Variants in AKAP7 observed in about 807,000 individuals in gnomAD.
AKAP7 encodes the protein A kinase (PRKA) anchor protein 7.
AKAP7 carries 39 observed loss-of-function variants against 39.5 expected under a neutral mutation model. The ratio of observed to expected loss-of-function variants is 0.99; its 90% CI spans 0.76 to 1.29. The LOEUF is 1.29. Ranked by LOEUF, AKAP7 falls within the 50% of genes most tolerant of loss-of-function variation. The pLI is 0.00. For synonymous variants in AKAP7, 140 were observed against 139.1 expected (o/e 1.01, Z -0.05); for missense variants, 414 against 407.7 (o/e 1.02, Z -0.13).
chr6:131,262,071 C>T (rs955346997), intron 7 of AKAP7, among the ~76,000 whole-genome samples: 1 of 152,092 alleles, frequency 6.6e-6, no homozygotes, highest in African/African-American at 2.4e-5. Flanking sequence ...AGCTGGGCTT[C>T]TGGCTTTTGA....
chr6:131,199,081 A>G (rs1258423002), intron 5 of AKAP7, among the ~76,000 whole-genome samples: 1 of 152,228 alleles, frequency 6.6e-6, no homozygotes, highest in Non-Finnish European at 1.5e-5. Flanking sequence ...TCATCTTGGA[A>G]GCAGAAGTTT....
intron 7 of AKAP7, among the ~76,000 whole-genome samples, chr6:131,258,064 AC>A (rs971622215): frequency 6.6e-5 from 10 of 152,234 alleles, no homozygotes; most frequent in Admixed American, 2.0e-4. Context: ...ATATTACCAA[AC>A]CTAGTGAAGA....
chr6:131,256,815 TAG>T (rs1233410145), intron 7 of AKAP7, among the ~76,000 whole-genome samples: 1 of 152,024 alleles, frequency 6.6e-6, no homozygotes, highest in African/African-American at 2.4e-5. Flanking sequence ...ATTGGGATTA[TAG>T]ATGTGAGCCA....
intron 5 of AKAP7, among the ~76,000 whole-genome samples, chr6:131,181,148 C>G (rs1022141099): frequency 1.2e-4 from 19 of 152,030 alleles, no homozygotes; most frequent in Non-Finnish European, 2.5e-4. Context: ...GTTGGCCAGG[C>G]TGGTATCAAA....
Position 131,223,147 on chromosome 6 carries a change from T to G in AKAP7, c.850+3339T>G, listed in dbSNP as rs536454389. 9.8e-4 allele frequency among the ~76,000 whole-genome samples: 150 copies of G among 152,372 alleles called. 2 individuals carry two copies. Among genetic ancestry groups the G allele is most frequent in the African/African-American group, 3.4e-3 (143 of 41,594 alleles). On this transcript the variant is annotated intron_variant, in intron 7 of 7. Transcript: ENST00000431975. ...GCATATAATGAAACATAATTTTATA[T>G]GTACTAGGAAACCAAAAAATTCATG... is the stretch of plus-strand genomic sequence containing the variant.
intron 7 of AKAP7, among the ~76,000 whole-genome samples, chr6:131,240,067 A>C (rs1244107475): frequency 6.6e-6 from 1 of 152,052 alleles, no homozygotes; most frequent in Non-Finnish European, 1.5e-5. Flanking sequence ...GATGATGGTG[A>C]CGTACAGATG....
At chr6:131,268,560 T>G (rs975615561) in intron 7 of AKAP7, among the ~76,000 whole-genome samples, 9 of 152,194 alleles carry the variant, frequency 5.9e-5, no homozygotes, top group Non-Finnish European at 1.2e-4. Context: ...TGGTGTGTCC[T>G]TACTGCTTAT....
intron 7 of AKAP7, among the ~76,000 whole-genome samples, chr6:131,267,784 G>A (rs1303938972): frequency 1.3e-5 from 2 of 152,102 alleles, no homozygotes; most frequent in African/African-American, 2.4e-5. Context: ...TCCCCTAGAC[G>A]GAATTCACTG....
At chr6:131,274,920 A>G (rs1814616861) in intron 7 of AKAP7, among the ~76,000 whole-genome samples, 1 of 152,036 alleles carries the variant, frequency 6.6e-6, no homozygotes, top group South Asian at 2.1e-4. Context: ...GAGCTGAAAT[A>G]CCTCTCCTTT....
chr6:131,256,671 A>G (rs1812879830), intron 7 of AKAP7, among the ~76,000 whole-genome samples: 3 of 151,818 alleles, frequency 2.0e-5, no homozygotes, highest in Admixed American at 2.0e-4. Flanking sequence ...TTGGCTAATA[A>G]AAGAAAGTTT....
rs145004128 is a variant in AKAP7 at position 131,281,658 on chromosome 6, G to A, written c.979G>A (p.Glu327Lys). The change falls in exon 8 of 8, where the codon GAG becomes AAG. Residue 327 changes from glutamate to lysine, a missense_variant. Transcript: ENST00000431975. This position sits in a 1 kb window ranked among gnomAD's most constrained non-coding sequence, Gnocchi z 4.0. Reference protein sequence around the residue: ...EETQNKNKPGEGSSVKTEAAD... With the variant: ...EETQNKNKPGKGSSVKTEAAD... ...AACACAGAATAAAAACAAGCCGGGG[G>A]AGGGGAGCTCTGTGAAAACCGAAGC... The A allele has an allele frequency of 9.9e-6, 16 of 1,613,554 alleles. No homozygotes were observed. The highest frequency in any genetic ancestry group is 4.4e-5 in the South Asian group (4 of 91,008).
chr6:131,203,030 A>G (rs529646018), intron 6 of AKAP7, among the ~76,000 whole-genome samples: 3 of 152,140 alleles, frequency 2.0e-5, no homozygotes, highest in Admixed American at 6.5e-5. Context: ...AGTAAATGCC[A>G]TATATGGTTC....
chr6:131,258,608 A>AAAAT (rs774997889), intron 7 of AKAP7, among the ~76,000 whole-genome samples: 1 of 152,222 alleles, frequency 6.6e-6, no homozygotes, highest in South Asian at 2.1e-4. Context: ...TGAAACTATT[A>AAAAT]AAATAAATCT....
At chr6:131,273,169 C>T (rs1436163777) in intron 7 of AKAP7, among the ~76,000 whole-genome samples, 1 of 152,118 alleles carries the variant, frequency 6.6e-6, no homozygotes, top group Non-Finnish European at 1.5e-5. Flanking sequence ...ATTAGTGTGG[C>T]ATACCTTTTT....
chr6:131,250,479 G>GTGTGCTCGCAGAC, intron 7 of AKAP7: 2 of 1,596,662 alleles, frequency 1.3e-6, no homozygotes, highest in Non-Finnish European at 1.7e-6. Context: ...AAAAGGCAGG[G>GTGTGCTCGCAGAC]TGTGCTCGCA....
intron 7 of AKAP7, among the ~76,000 whole-genome samples, chr6:131,238,815 T>G (rs1185323112): frequency 1.3e-5 from 2 of 152,224 alleles, no homozygotes; most frequent in East Asian, 1.9e-4. Context: ...GCATGTGAGA[T>G]GGGTTTTCTG....
In AKAP7 at chr6:131,198,090, C is replaced by T. The variant is rs75117348; in HGVS notation, c.590-1371C>T. Reference sequence around the variant, plus strand: ...AAGTCTGGACATATTCCAAAGGCCACGAGGGGTTTTAGACCCTGGACCCCG... The same window carrying T: ...AAGTCTGGACATATTCCAAAGGCCATGAGGGGTTTTAGACCCTGGACCCCG... On this transcript the variant is annotated intron_variant, in intron 5 of 7. Coordinates refer to ENST00000431975, the MANE Select transcript of AKAP7 (RefSeq NM_016377.4). Among the ~76,000 whole-genome samples the T allele has an allele frequency of 0.014, 2,169 of 152,230 alleles. 143 individuals carry two copies. In the East Asian group the frequency reaches 0.18, roughly 12 times the overall value.
At chr6:131,241,112 C>A (rs1562237609) in intron 7 of AKAP7, among the ~76,000 whole-genome samples, 1 of 152,122 alleles carries the variant, frequency 6.6e-6, no homozygotes. Context: ...ATTTTTGGAG[C>A]TGGAAATGAC....
At chr6:131,206,756 G>T (rs1242851415) in intron 6 of AKAP7, among the ~76,000 whole-genome samples, 1 of 151,474 alleles carries the variant, frequency 6.6e-6, no homozygotes, top group East Asian at 1.9e-4. Flanking sequence ...TACCTAGCTA[G>T]CTGTCTGTCT....
Sources: allele counts gnomAD v4.1 joint callset (sites outside exome capture counted in the v4.1 genomes callset), GRCh38; gene constraint gnomAD v4.1.1; non-coding constraint Gnocchi (gnomAD v3.1); transcripts MANE v1.5; gene names NCBI Gene and HGNC (gene_info 2026-07-23, HGNC 2026-07-21).